Variants in KIF5C observed in about 807,000 individuals in gnomAD.
The protein encoded by KIF5C is kinesin family member 5C, also known as kinesin heavy chain isoform 5C.
Under a neutral mutation model 125.2 loss-of-function variants are expected in KIF5C, and 18 were observed. The ratio of observed to expected loss-of-function variants is 0.14; its 90% CI spans 0.10 to 0.21. The LOEUF is 0.21. KIF5C is among the 10% of genes least tolerant of loss of function. KIF5C has a pLI of 1.00. For missense variants in KIF5C, 780 were observed against 1,183.8 expected, an observed-to-expected ratio of 0.66 and a Z score of 5.01; for synonymous variants, 405 against 434.0, an observed-to-expected ratio of 0.93 and a Z score of 0.83.
intron 5 of KIF5C, 78 bp downstream of exon 5, chr2:148,941,736 T>C: frequency 6.6e-7 from 1 of 1,515,150 alleles, no homozygotes; most frequent in African/African-American, 1.4e-5. Context: ...ATCACACTTC[T>C]GCTTAAGGAA....
chr2:149,001,679 G>C (rs1681855242), intron 21 of KIF5C, among the ~76,000 whole-genome samples: 1 of 152,208 alleles, frequency 6.6e-6, no homozygotes, highest in Non-Finnish European at 1.5e-5. Flanking sequence ...TAGCTGCCTG[G>C]CTCCGTGCCC....
At chr2:148,932,755 G>A (rs909547985) in intron 3 of KIF5C, among the ~76,000 whole-genome samples, 9 of 152,126 alleles carry the variant, frequency 5.9e-5, no homozygotes, top group South Asian at 2.1e-4. Flanking sequence ...CAGCCGTCCC[G>A]CCAAGCCTGC....
Position 149,005,801 on chromosome 2 carries a change from G to A in KIF5C, c.2445+337G>A, listed in dbSNP as rs548463349. ...CAGTCATTTCAGAAAGCATTGCCCA[G>A]AAGCCTGGAGAAGTCGGACAGAGAG... On this transcript the variant is annotated intron_variant, in intron 22 of 25. Transcript: ENST00000435030. 2.0e-5 allele frequency among the ~76,000 whole-genome samples: 3 copies of A among 152,346 alleles called. No homozygotes were observed. The South Asian group carries it at 6.2e-4, about 32-fold the overall frequency.
At chr2:148,972,238 T>C (rs1680937246) in intron 11 of KIF5C, among the ~76,000 whole-genome samples, 1 of 152,218 alleles carries the variant, frequency 6.6e-6, no homozygotes. Context: ...TTCTATCATG[T>C]ATTTTTGAAA....
chr2:148,877,763 C>G (rs1207865335), intron 1 of KIF5C: 4 of 151,386 alleles, frequency 2.6e-5, no homozygotes, highest in Non-Finnish European at 5.9e-5. Context: ...CCTCTCCCCT[C>G]TCCCTTCTCC....
At position 148,905,974 on chromosome 2, in the gene KIF5C, C is replaced by G. The variant is rs747868434; in HGVS notation, c.127-16163C>G. ...TGTCATGAGAACAGCACAGGAAAGA[C>G]CCACCCCATGATTCAATTACCTCCC... On this transcript the variant is annotated intron_variant, in intron 1 of 25. Coordinates refer to ENST00000435030, the MANE Select transcript of KIF5C (RefSeq NM_004522.3). 1.1e-4 allele frequency among the ~76,000 whole-genome samples: 17 copies of G among 152,122 alleles called. 1 individual carries two copies. The highest frequency in any genetic ancestry group is 5.9e-4 in the Admixed American group (9 of 15,274).
intron 10 of KIF5C, among the ~76,000 whole-genome samples, chr2:148,954,838 G>A (rs998235663): frequency 3.3e-5 from 5 of 152,118 alleles, no homozygotes; most frequent in East Asian, 1.9e-4. Flanking sequence ...CATTACCTAC[G>A]AGAGTAGAAT....
rs1680976855 is a variant in KIF5C, at chr2:148,973,481, C to T, written c.1263C>T (p.Ile421=). 1 of 1,612,462 alleles carries T rather than the reference C, an allele frequency of 6.2e-7. No homozygotes were observed. Among genetic ancestry groups the T allele is most frequent in the South Asian group, 1.1e-5 (1 of 90,670 alleles). ...TEEKEKYDEE[I]SSLYRQLDDK... is the part of the protein sequence containing the mutation. ...AGAAAGAGAAGTACGATGAGGAGAT[C>T]TCCAGTCTCTACAGACAACTGGATG... The change falls in exon 12 of 26, where the codon ATC becomes ATT. Residue 421 remains isoleucine, a synonymous_variant. Coordinates refer to ENST00000435030, the MANE Select transcript of KIF5C (RefSeq NM_004522.3).
chr2:148,962,039 A>T lies in KIF5C; in HGVS notation c.1037A>T (p.Tyr346Phe). 6.2e-7 allele frequency: 1 copy of T among 1,614,058 alleles called. No individual in the cohort carries two copies. Among genetic ancestry groups the T allele is most frequent in the Middle Eastern group, 1.6e-4 (1 of 6,062 alleles). The change falls in exon 11 of 26, where the codon TAT (tyrosine) becomes TTT (phenylalanine). Residue 346 changes from tyrosine to phenylalanine, a missense_variant. Tyr to Phe is a conservative substitution (Grantham distance 22). This residue lies in a region of KIF5C where 207 missense variants were observed against 441.2 expected (regional missense o/e 0.47). Transcript: ENST00000435030. ...ACAGCAGAAGAATGGAAGAAGAAATATGAAAAAGAGAAAGAGAAAAACAAG... is the reference window on the plus strand; with the variant it reads ...ACAGCAGAAGAATGGAAGAAGAAATTTGAAAAAGAGAAAGAGAAAAACAAG... ...ELTAEEWKKK[Y>F]EKEKEKNKTL... is the part of the protein sequence containing the mutation.
intron 10 of KIF5C, among the ~76,000 whole-genome samples, chr2:148,952,519 T>C (rs1044984228): frequency 2.6e-5 from 4 of 152,148 alleles, no homozygotes; most frequent in Non-Finnish European, 5.9e-5. Flanking sequence ...AAGGCTTAGG[T>C]GCAAAGCCAT....
intron 7 of KIF5C, among the ~76,000 whole-genome samples, chr2:148,945,419 A>T (rs1270337161): frequency 6.6e-6 from 1 of 152,150 alleles, no homozygotes; most frequent in African/African-American, 2.4e-5. Flanking sequence ...AATGGTCTTG[A>T]CACTCTTGTT....
chr2:148,913,757 C>T (rs1343832875), intron 1 of KIF5C, among the ~76,000 whole-genome samples: 3 of 152,148 alleles, frequency 2.0e-5, no homozygotes, highest in African/African-American at 7.2e-5. Flanking sequence ...GGCGGTGTAC[C>T]CCAGAGAGAA....
intron 12 of KIF5C, among the ~76,000 whole-genome samples, chr2:148,976,801 G>A (rs544998566): frequency 4.7e-5 from 7 of 148,534 alleles, no homozygotes; most frequent in Non-Finnish European, 8.9e-5. Context: ...GGCTGGTCTC[G>A]GACTCCTGGG....
At chr2:148,992,413 G>A (rs115867688) in intron 16 of KIF5C, among the ~76,000 whole-genome samples, 3,160 of 152,132 alleles carry the variant, frequency 0.021, 44 homozygotes, top group Middle Eastern at 0.045. Context: ...TAATGAAAAT[G>A]AAAAAAATTT....
chr2:148,900,983 A>T (rs1370185211), intron 1 of KIF5C, among the ~76,000 whole-genome samples: 2 of 152,148 alleles, frequency 1.3e-5, no homozygotes, highest in Non-Finnish European at 2.9e-5. Context: ...AAAATACAAA[A>T]AACCCCAACA....
intron 1 of KIF5C, among the ~76,000 whole-genome samples, chr2:148,881,619 C>A (rs777483931): frequency 2.6e-5 from 4 of 152,028 alleles, no homozygotes; most frequent in Non-Finnish European, 5.9e-5. Flanking sequence ...GCTTGTCTGG[C>A]CCGACTCCCC....
intron 4 of KIF5C, among the ~76,000 whole-genome samples, chr2:148,938,659 A>T (rs1490792197): frequency 1.3e-5 from 2 of 152,152 alleles, no homozygotes; most frequent in Non-Finnish European, 2.9e-5. Context: ...GGGGGCCCCC[A>T]CTGTGGCTGG....
intron 8 of KIF5C, among the ~76,000 whole-genome samples, chr2:148,949,078 C>T (rs1682594647): frequency 6.6e-6 from 1 of 152,056 alleles, no homozygotes; most frequent in Non-Finnish European, 1.5e-5. Flanking sequence ...CCCCCTGCAT[C>T]GTTTGTCCAG....
At position 148,892,924 on chromosome 2, in the gene KIF5C, A is replaced by G. The variant is rs1681747444; in HGVS notation, c.126+17181A>G. On this transcript the variant is annotated intron_variant, in intron 1 of 25. Transcript: ENST00000435030. ...AAGATAATTTTTTCTTCTTCAAATA[A>G]TGACAGTTTTGTTTCCTTCTTTCCA... is the stretch of plus-strand genomic sequence containing the variant. Among the ~76,000 whole-genome samples the G allele has an allele frequency of 3.3e-5, 5 of 152,340 alleles. 1 individual carries two copies. The South Asian group carries it at 1.0e-3, about 32-fold the overall frequency.
Sources: allele counts gnomAD v4.1 joint callset (sites outside exome capture counted in the v4.1 genomes callset), GRCh38; gene constraint gnomAD v4.1.1; regional missense constraint gnomAD v4.1.1; transcripts MANE v1.5; gene names NCBI Gene and HGNC (gene_info 2026-07-23, HGNC 2026-07-21).